Variants in FAM3B observed in about 807,000 individuals in gnomAD.
FAM3B encodes the protein protein FAM3B.
Under a neutral mutation model 28.4 loss-of-function variants are expected in FAM3B, and 29 were observed. That is an observed-to-expected ratio of 1.02 (90% CI 0.76 to 1.39). The LOEUF (loss-of-function observed/expected upper bound fraction) is 1.39, where lower values mean the gene tolerates loss of function less well. FAM3B is among the 40% of genes most tolerant of loss of function. The pLI, the probability that FAM3B is intolerant of heterozygous loss-of-function variation, is 0.00. For missense variants in FAM3B, 266 were observed against 293.9 expected (o/e 0.91, Z 0.69); for synonymous variants, 91 against 103.0 (o/e 0.88, Z 0.71).
chr21:41,312,722 A>AGTGTGTGTGTAT (rs1272317000), upstream of FAM3B, among the ~76,000 whole-genome samples: 2 of 148,216 alleles, frequency 1.3e-5, no homozygotes, highest in African/African-American at 2.5e-5. Flanking sequence ...TGTGTGTGAG[A>AGTGTGTGTGTAT]GTGTGTGTGT....
At chr21:41,314,007 AC>A (rs943778759), upstream of FAM3B, among the ~76,000 whole-genome samples, 1 of 152,204 alleles carries the variant, frequency 6.6e-6, no homozygotes, top group Non-Finnish European at 1.5e-5. Context: ...CAAAACAAAA[AC>A]AAAAACAAAA....
At chr21:41,321,253 G>A (rs1195226845) in intron 1 of FAM3B, among the ~76,000 whole-genome samples, 3 of 152,186 alleles carry the variant, frequency 2.0e-5, no homozygotes, top group Non-Finnish European at 4.4e-5. Flanking sequence ...AGCGACCCAC[G>A]CGGTGTCACA....
rs1386732813 is a variant in FAM3B at position 41,323,052 on chromosome 21, G to T, written c.149G>T (p.Arg50Met). The change falls in exon 2 of 8, where the codon AGG becomes ATG. Residue 50 changes from arginine to methionine, a missense_variant. Physicochemically the swap from Arg to Met is moderately conservative, Grantham distance 91. Transcript: ENST00000357985. ...AAYSIRSIGE[R>M]PVLKAPVPKR... The stretch of plus-strand genomic sequence containing the variant: ...TATAGCATCCGCAGCATCGGGGAGA[G>T]GCCTGTCCTCAAAGGTGAGTGCCGT... 3.7e-6 allele frequency: 6 copies of T among 1,605,416 alleles called. No individual in the cohort carries two copies. The highest frequency in any genetic ancestry group is 5.1e-6 in the Non-Finnish European group (6 of 1,179,980).
rs2089175674 is a variant in FAM3B, at chr21:41,357,241, A to G, written c.*44A>G. On this transcript the variant is annotated 3_prime_UTR_variant, in exon 8 of 8. Transcript: ENST00000357985. Reference sequence around the variant, plus strand: ...AAATGTGTTCTGTATAAACAAATGCAGCTGGAATCGCTCAAGAATCTTATT... The same window carrying G: ...AAATGTGTTCTGTATAAACAAATGCGGCTGGAATCGCTCAAGAATCTTATT... 1 of 1,350,672 alleles carries G rather than the reference A, an allele frequency of 7.4e-7. No homozygotes were observed. The highest frequency in any genetic ancestry group is 1.0e-6 in the Non-Finnish European group (1 of 961,428). The allele number at this position is 1,350,672 out of a possible 1,614,324, so 83.7% of individuals were successfully genotyped here. A position where few individuals can be genotyped will look rare whatever the true frequency, so the allele number is the denominator to read the frequency against.
intron 1 of FAM3B, among the ~76,000 whole-genome samples, chr21:41,310,669 C>G (rs1181176863): frequency 2.0e-5 from 3 of 152,196 alleles, no homozygotes; most frequent in African/African-American, 7.2e-5. Context: ...CAGCCCTGCA[C>G]CATCCTCTGG....
At chr21:41,352,055 A>T (rs925755124) in intron 7 of FAM3B, among the ~76,000 whole-genome samples, 6 of 152,130 alleles carry the variant, frequency 3.9e-5, no homozygotes, top group African/African-American at 1.2e-4. Flanking sequence ...CATCATTCTC[A>T]TCGCCTCCAG....
At chr21:41,330,503 A>C (rs1227936896) in intron 2 of FAM3B, among the ~76,000 whole-genome samples, 1 of 152,230 alleles carries the variant, frequency 6.6e-6, no homozygotes, top group Non-Finnish European at 1.5e-5. Flanking sequence ...TGTAGTCACC[A>C]TGATGTGCAA....
At chr21:41,322,070 A>T (rs906596396) in intron 1 of FAM3B, among the ~76,000 whole-genome samples, 60 of 152,124 alleles carry the variant, frequency 3.9e-4, no homozygotes, top group African/African-American at 1.4e-3. Flanking sequence ...GCCTGTGGTT[A>T]TCCCTGCATC....
intron 1 of FAM3B, among the ~76,000 whole-genome samples, chr21:41,308,294 GC>G (rs1432497896): frequency 6.6e-6 from 1 of 152,044 alleles, no homozygotes; most frequent in African/African-American, 2.4e-5. Context: ...GAGTGTCACT[GC>G]CCCTGTTGTG....
At chr21:41,306,032 T>A (rs1052951321) in intron 1 of FAM3B, among the ~76,000 whole-genome samples, 3 of 152,232 alleles carry the variant, frequency 2.0e-5, no homozygotes, top group Non-Finnish European at 2.9e-5. Flanking sequence ...CAAATCTTTG[T>A]TGTCATTTCA....
chr21:41,348,555 C>T (rs2089085110), intron 6 of FAM3B, 37 bp from the exon 7 acceptor site: 1 of 1,613,472 alleles, frequency 6.2e-7, no homozygotes, highest in African/African-American at 1.3e-5. Flanking sequence ...TCCACGTCTC[C>T]CTGAGATGCT....
chr21:41,345,035 A>T (rs191597701), intron 4 of FAM3B, among the ~76,000 whole-genome samples: 2 of 152,376 alleles, frequency 1.3e-5, no homozygotes, highest in Admixed American at 6.5e-5. Context: ...AGGGTTTCCC[A>T]CAACGTCCCT....
chr21:41,350,324 G>A (rs952017545), intron 7 of FAM3B, among the ~76,000 whole-genome samples: 2 of 152,158 alleles, frequency 1.3e-5, no homozygotes, highest in Admixed American at 6.5e-5. Context: ...ACAGGCTGTC[G>A]TCTTGAGAAT....
chr21:41,322,745 A>T, intron 1 of FAM3B, 178 bp from the exon 2 acceptor site: 1 of 783,130 alleles, frequency 1.3e-6, no homozygotes, highest in Non-Finnish European at 2.3e-6. Context: ...GATACTGTCT[A>T]CTTCAAAGGT....
chr21:41,306,179 C>T (rs2088682095), intron 1 of FAM3B, among the ~76,000 whole-genome samples: 1 of 152,208 alleles, frequency 6.6e-6, no homozygotes, highest in African/African-American at 2.4e-5. Context: ...TCTTTAGGCT[C>T]CATTCTTAAT....
intron 2 of FAM3B, among the ~76,000 whole-genome samples, chr21:41,328,403 CA>C (rs2088873433): frequency 6.6e-6 from 1 of 151,478 alleles, no homozygotes; most frequent in Non-Finnish European, 1.5e-5. Context: ...ACAGAGTGTC[CA>C]AAAATCTAGA....
chr21:41,329,086 T>C (rs75878217), intron 2 of FAM3B, among the ~76,000 whole-genome samples: 18 of 152,340 alleles, frequency 1.2e-4, no homozygotes, highest in Admixed American at 4.6e-4. Flanking sequence ...CCACTTAACA[T>C]GCATCACCTC....
intron 1 of FAM3B, among the ~76,000 whole-genome samples, chr21:41,308,758 C>T (rs1273657456): frequency 3.9e-5 from 6 of 152,016 alleles, no homozygotes; most frequent in African/African-American, 1.4e-4. Flanking sequence ...AGGCTAGTCT[C>T]GAACTCCTGA....
intron 4 of FAM3B, 75 bp from the exon 5 acceptor site, chr21:41,345,610 TC>T: frequency 1.2e-6 from 1 of 812,334 alleles, no homozygotes; most frequent in Non-Finnish European, 1.9e-6. Context: ...AATATTTCCT[TC>T]CCCAGGCCCT....
Sources: allele counts gnomAD v4.1 joint callset (sites outside exome capture counted in the v4.1 genomes callset), GRCh38; gene constraint gnomAD v4.1.1; transcripts MANE v1.5; gene names NCBI Gene and HGNC (gene_info 2026-07-23, HGNC 2026-07-21).